MRC1: variants seen among roughly 807,000 people sequenced by gnomAD.
MRC1 encodes macrophage mannose receptor 1.
A neutral mutation model predicts 102.9 loss-of-function variants in MRC1; 62 were observed. The observed-to-expected ratio is 0.60, with a 90% CI of 0.49 to 0.74. MRC1 has a LOEUF of 0.74. Among genes scored for constraint, MRC1 ranks in the 30% least tolerant of loss-of-function variants. The pLI is 0.00. For missense variants in MRC1, 1,237 were observed against 862.8 expected (o/e 1.43, Z -5.43); for synonymous variants, 457 against 298.4 (o/e 1.53, Z -5.48).
intron 23 of MRC1, 78 bp downstream of exon 23, chr10:17,894,390 CTTTCTTTT>C (rs2130709661): frequency 5.0e-5 from 29 of 577,038 alleles, no homozygotes; most frequent in Non-Finnish European, 8.0e-5. Flanking sequence ...TTCTTTCTTT[CTTTCTTTT>C]TTTTTTTTTT....
chr10:17,836,975 C>T (rs1838674562), intron 4 of MRC1, among the ~76,000 whole-genome samples: 1 of 152,036 alleles, frequency 6.6e-6, no homozygotes, highest in South Asian at 2.1e-4. Flanking sequence ...TCTTGGAAGC[C>T]TGGGGACAGA....
intron 1 of MRC1, among the ~76,000 whole-genome samples, chr10:17,814,748 C>T (rs924312262): frequency 8.2e-5 from 12 of 146,968 alleles, no homozygotes; most frequent in South Asian, 2.2e-4. Flanking sequence ...TGCAGTGGCG[C>T]CATCTCGGCT....
At chr10:17,821,062 G>T (rs1554838239) in intron 1 of MRC1, among the ~76,000 whole-genome samples, 1 of 152,184 alleles carries the variant, frequency 6.6e-6, no homozygotes, top group Non-Finnish European at 1.5e-5. Context: ...TCTGTGAACA[G>T]TTGTCAAGTG....
rs569541015 is a variant in MRC1, at chr10:17,845,113, A to T, written c.917-176A>T. ...TGATCCAACGATAAGAAAACAATAGACACCCATCGTGTCTTTTGCTCTGCA... is the reference window on the plus strand; with the variant it reads ...TGATCCAACGATAAGAAAACAATAGTCACCCATCGTGTCTTTTGCTCTGCA... On this transcript the variant is annotated intron_variant, in intron 5 of 29. Coordinates refer to ENST00000569591, the MANE Select transcript of MRC1 (RefSeq NM_002438.4). 23 of 778,364 alleles carry T rather than the reference A, an allele frequency of 3.0e-5. No individual in the cohort carries two copies. In the East Asian group the frequency reaches 5.1e-4, roughly 17 times the overall value. The allele number at this position is 778,364 out of a possible 1,614,324, so 48.2% of individuals were successfully genotyped here.
intron 13 of MRC1, among the ~76,000 whole-genome samples, chr10:17,870,593 A>T (rs1376610890): frequency 6.6e-6 from 1 of 152,192 alleles, no homozygotes; most frequent in Non-Finnish European, 1.5e-5. Flanking sequence ...AAAGTTCAAG[A>T]TGCTTAATAC....
At chr10:17,850,940 C>T (rs1838906722) in intron 7 of MRC1, among the ~76,000 whole-genome samples, 1 of 152,214 alleles carries the variant, frequency 6.6e-6, no homozygotes, top group Non-Finnish European at 1.5e-5. Flanking sequence ...AGCCCAGCTG[C>T]AGCCTATGAA....
At chr10:17,895,918 C>T (rs1464164411) in intron 23 of MRC1, among the ~76,000 whole-genome samples, 1 of 152,218 alleles carries the variant, frequency 6.6e-6, no homozygotes. Flanking sequence ...TTTATACCCA[C>T]TTTTAATTAC....
At chr10:17,818,359 A>G (rs1554838047) in intron 1 of MRC1, among the ~76,000 whole-genome samples, 2 of 152,260 alleles carry the variant, frequency 1.3e-5, no homozygotes, top group Non-Finnish European at 2.9e-5. Context: ...TAAATCAGAA[A>G]GATCAAGTAC....
intron 21 of MRC1, among the ~76,000 whole-genome samples, chr10:17,881,670 ATTTTTTTTT>A (rs1184943960): frequency 1.9e-5 from 2 of 102,782 alleles, no homozygotes; most frequent in African/African-American, 4.1e-5. Context: ...ACAAATTTTG[ATTTTTTTTT>A]TTTTTTTTTT....
intron 1 of MRC1, among the ~76,000 whole-genome samples, chr10:17,813,035 G>A (rs1433065876): frequency 6.6e-6 from 1 of 152,138 alleles, no homozygotes; most frequent in Non-Finnish European, 1.5e-5. Context: ...AGAAGCCTTA[G>A]AATCATAGAC....
chr10:17,851,465 A>C (rs1319782092), intron 7 of MRC1, among the ~76,000 whole-genome samples: 1 of 152,188 alleles, frequency 6.6e-6, no homozygotes, highest in Non-Finnish European at 1.5e-5. Context: ...CTATACACGT[A>C]AGTTATGATT....
chr10:17,905,457 C>T (rs1833882663), intron 26 of MRC1, among the ~76,000 whole-genome samples: 5 of 152,012 alleles, frequency 3.3e-5, no homozygotes, highest in African/African-American at 4.8e-5. Context: ...CATGATGTCA[C>T]CTGATGCCTT....
At position 17,879,748 on chromosome 10, in the gene MRC1, CG is replaced by C. The variant is rs1417021286; in HGVS notation, c.2647del (p.Val883CysfsTer18). On this transcript the variant is annotated frameshift_variant, in exon 19 of 30. Transcript: ENST00000569591. LOFTEE classifies it high-confidence loss of function. ...AWMDGSKVDY[V>X]SWATGEPNFA... Reference sequence around the variant, plus strand: ...GGATGGATGGAAGCAAAGTGGATTACGTGTCTTGGGCCACAGGTGAACCCAA... The same window carrying C: ...GGATGGATGGAAGCAAAGTGGATTACTGTCTTGGGCCACAGGTGAACCCAA... The C allele has an allele frequency of 1.3e-6, 1 of 780,730 alleles. No homozygotes were observed. Among genetic ancestry groups the C allele is most frequent in the Non-Finnish European group, 2.4e-6 (1 of 417,968 alleles). 48.4% of individuals were successfully genotyped at this position (780,730 alleles called of 1,614,324 possible).
At chr10:17,855,404 T>C (rs1342291811) in intron 8 of MRC1, among the ~76,000 whole-genome samples, 1 of 151,804 alleles carries the variant, frequency 6.6e-6, no homozygotes, top group Non-Finnish European at 1.5e-5. Context: ...ACCCCGTCTC[T>C]ACTAAAAATA....
In MRC1 at chr10:17,890,771, A is replaced by G. The variant is rs890543176; in HGVS notation, c.3148-3439A>G. 5.1e-3 allele frequency among the ~76,000 whole-genome samples: 782 copies of G among 152,274 alleles called. 3 individuals carry two copies. The highest frequency in any genetic ancestry group is 0.01 in the Middle Eastern group (3 of 294). The stretch of plus-strand genomic sequence containing the variant: ...ATATATTACAGTGCAGGGGTCTGCA[A>G]CCCGTGGGCCACAGATGGGTACCAA... On this transcript the variant is annotated intron_variant, in intron 22 of 29. Coordinates refer to ENST00000569591, the MANE Select transcript of MRC1 (RefSeq NM_002438.4).
chr10:17,835,249 T>C (rs1838645310), intron 4 of MRC1, among the ~76,000 whole-genome samples: 1 of 152,228 alleles, frequency 6.6e-6, no homozygotes, highest in African/African-American at 2.4e-5. Context: ...TTATTACCAC[T>C]TTTATTAGTA....
chr10:17,861,319 A>T (rs1463223768), intron 9 of MRC1, 68 bp from the exon 10 acceptor site: 1 of 711,736 alleles, frequency 1.4e-6, no homozygotes, highest in Middle Eastern at 3.7e-4. Flanking sequence ...ATCTCAAATA[A>T]TAATAATATT....
At position 17,870,363 on chromosome 10, in the gene MRC1, C is replaced by T. The variant is rs1470400951; in HGVS notation, c.2101C>T (p.Arg701Ter). ...CAAAGAGGAACAGCAAACAATATGG[C>T]GATTAATAACGTAAGTGGTATTTTT... ...NNKEEQQTIW[R>*]LITASGSYHK... The change falls in exon 13 of 30, where the codon CGA (arginine) becomes TGA (stop). Residue 701 changes from arginine to a stop codon, truncating the protein, a stop_gained. Transcript: ENST00000569591. LOFTEE classifies it high-confidence loss of function. 5.1e-6 allele frequency: 4 copies of T among 779,830 alleles called. No homozygotes were observed. The highest frequency in any genetic ancestry group is 2.4e-5 in the East Asian group (1 of 41,228). The allele number at this position is 779,830 out of a possible 1,614,324, so 48.3% of individuals were successfully genotyped here. A position where few individuals can be genotyped will look rare whatever the true frequency, so the allele number is the denominator to read the frequency against.
chr10:17,843,888 C>G (rs1405825916), intron 5 of MRC1, among the ~76,000 whole-genome samples: 2 of 152,170 alleles, frequency 1.3e-5, no homozygotes, highest in African/African-American at 4.8e-5. Flanking sequence ...GTTACATACA[C>G]ATTGGAGGTC....
Sources: gnomAD v4.1 joint callset for allele counts (sites outside exome capture counted in the v4.1 genomes callset) on GRCh38, gnomAD v4.1.1 for gene constraint, MANE v1.5 for transcripts, NCBI Gene and HGNC (gene_info 2026-07-23, HGNC 2026-07-21) for gene names.